Variants in N4BP2L2 observed in about 807,000 individuals in gnomAD.
The protein encoded by N4BP2L2 is NEDD4-binding protein 2-like 2.
N4BP2L2 carries 50 observed loss-of-function variants against 56.2 expected under a neutral mutation model. The observed-to-expected ratio is 0.89, with a 90% CI of 0.71 to 1.13. N4BP2L2 has a LOEUF of 1.13. N4BP2L2 is among the 50% of genes most tolerant of loss of function. The pLI, the probability that N4BP2L2 is intolerant of heterozygous loss-of-function variation, is 0.00. For missense variants in N4BP2L2, 689 were observed against 693.8 expected (o/e 0.99, Z 0.08); for synonymous variants, 203 against 223.6 (o/e 0.91, Z 0.82).
At chr13:32,484,859 T>C (rs1566107410) in intron 6 of N4BP2L2, among the ~76,000 whole-genome samples, 1 of 152,230 alleles carries the variant, frequency 6.6e-6, no homozygotes, top group Non-Finnish European at 1.5e-5. Context: ...TGTTAGAATA[T>C]GTTGAATTAT....
rs115298134 is a variant in N4BP2L2 at position 32,520,214 on chromosome 13, T to G, written c.1550+1159A>C. On this transcript the variant is annotated intron_variant, in intron 5 of 5. Coordinates refer to ENST00000267068, the Ensembl canonical transcript of N4BP2L2. ...TGGTTTAAAAAAAGAGGAGTGAAGG[T>G]TGCACAACTCTGTGAATATACAGAA... Among the ~76,000 whole-genome samples, 389 of 151,880 alleles carry G rather than the reference T, an allele frequency of 2.6e-3. 1 individual carries two copies. The highest frequency in any genetic ancestry group is 9.0e-3 in the African/African-American group (372 of 41,396).
intron 9 of N4BP2L2, among the ~76,000 whole-genome samples, chr13:32,435,641 C>T (rs2075389408): frequency 1.3e-5 from 2 of 152,140 alleles, no homozygotes; most frequent in South Asian, 4.1e-4. Context: ...TCTAGTGGCC[C>T]CTGCAAATCT....
At chr13:32,450,469 C>T (rs112490742) in intron 6 of N4BP2L2, among the ~76,000 whole-genome samples, 11 of 151,346 alleles carry the variant, frequency 7.3e-5, no homozygotes, top group African/African-American at 2.2e-4. Context: ...GGACTACAGG[C>T]GCCTGCAACC....
chr13:32,469,905 T>C (rs2138897982), intron 6 of N4BP2L2, among the ~76,000 whole-genome samples: 2 of 152,268 alleles, frequency 1.3e-5, no homozygotes, highest in African/African-American at 2.4e-5. Context: ...TTCTGTTTGA[T>C]AAGGGAACTG....
intron 6 of N4BP2L2, among the ~76,000 whole-genome samples, chr13:32,462,178 C>T (rs2080230754): frequency 6.6e-6 from 1 of 152,124 alleles, no homozygotes; most frequent in Admixed American, 6.5e-5. Flanking sequence ...ACAGCAAAAA[C>T]ATGGAATCAA....
At chr13:32,501,138 G>T (rs1221769266) in intron 6 of N4BP2L2, among the ~76,000 whole-genome samples, 1 of 152,160 alleles carries the variant, frequency 6.6e-6, no homozygotes, top group Non-Finnish European at 1.5e-5. Context: ...AAAGCGCTGG[G>T]CTTACAGGTG....
At chr13:32,443,310 C>A (rs745704439) in exon 7 of N4BP2L2, 2 of 1,613,958 alleles carry the variant, frequency 1.2e-6, no homozygotes, top group East Asian at 2.2e-5. Context: ...CAGGACCAGC[C>A]AACTTACATG....
chr13:32,436,349 A>G (rs1342819574), intron 9 of N4BP2L2: 1 of 1,211,468 alleles, frequency 8.3e-7, no homozygotes, highest in South Asian at 1.5e-5. Flanking sequence ...CTCTAGAATA[A>G]GTCATACTTA....
At chr13:32,462,966 C>T (rs905062183) in intron 6 of N4BP2L2, among the ~76,000 whole-genome samples, 5 of 151,380 alleles carry the variant, frequency 3.3e-5, no homozygotes, top group Non-Finnish European at 7.4e-5. Flanking sequence ...TTGCTTGAAC[C>T]CAGGAGGCGG....
At chr13:32,490,141 A>G (rs1315427516) in intron 6 of N4BP2L2, 1 of 151,792 alleles carries the variant, frequency 6.6e-6, no homozygotes, top group Non-Finnish European at 1.5e-5. Flanking sequence ...TCTCCTTAAT[A>G]CTTATCACCT....
chr13:32,538,316 A>G (rs2057132034), intron 1 of N4BP2L2, among the ~76,000 whole-genome samples: 1 of 152,198 alleles, frequency 6.6e-6, no homozygotes, highest in African/African-American at 2.4e-5. Context: ...AATGTGTCAG[A>G]AAAGTCCCGA....
At chr13:32,527,246 A>T in intron 3 of N4BP2L2, 162 bp downstream of exon 3, 1 of 691,752 alleles carries the variant, frequency 1.4e-6, no homozygotes, top group Non-Finnish European at 2.3e-6. Flanking sequence ...GGGCAAGTAT[A>T]ATTATCACCA....
chr13:32,457,901 A>G (rs1274846739), intron 6 of N4BP2L2, among the ~76,000 whole-genome samples: 2 of 152,214 alleles, frequency 1.3e-5, no homozygotes, highest in Non-Finnish European at 2.9e-5. Context: ...ACAAAAGAAC[A>G]AAGTATATAC....
At chr13:32,511,247 C>T (rs1020047545) in exon 6 of N4BP2L2, 1 of 152,130 alleles carries the variant, frequency 6.6e-6, no homozygotes, top group Non-Finnish European at 1.5e-5. Flanking sequence ...AGACTTTTTG[C>T]TACAAAATTC....
chr13:32,440,184 C>G (rs1261346196), intron 7 of N4BP2L2, among the ~76,000 whole-genome samples: 1 of 152,136 alleles, frequency 6.6e-6, no homozygotes, highest in Non-Finnish European at 1.5e-5. Flanking sequence ...AATCTTTGGT[C>G]TCACCTGTGG....
intron 6 of N4BP2L2, among the ~76,000 whole-genome samples, chr13:32,470,508 A>G (rs1157976684): frequency 6.6e-6 from 1 of 152,176 alleles, no homozygotes; most frequent in African/African-American, 2.4e-5. Context: ...AGCTTTGGCT[A>G]GGGCCTATAT....
At chr13:32,489,722 A>C (rs1427437964) in intron 6 of N4BP2L2, among the ~76,000 whole-genome samples, 3 of 151,770 alleles carry the variant, frequency 2.0e-5, no homozygotes, top group African/African-American at 7.3e-5. Flanking sequence ...CTGTAATATT[A>C]CAAATCTAGT....
intron 6 of N4BP2L2, among the ~76,000 whole-genome samples, chr13:32,466,372 G>A (rs1394567343): frequency 6.6e-6 from 1 of 151,934 alleles, no homozygotes; most frequent in African/African-American, 2.4e-5. Context: ...TTCAAGATCA[G>A]CCTAGCTAAT....
At chr13:32,525,255 T>C (rs1006318400) in intron 3 of N4BP2L2, 3 of 152,168 alleles carry the variant, frequency 2.0e-5, no homozygotes, top group African/African-American at 7.2e-5. Flanking sequence ...AAAAATGTTC[T>C]ATGGCATTAA....
Sources: gnomAD v4.1 joint callset for allele counts (sites outside exome capture counted in the v4.1 genomes callset) on GRCh38, gnomAD v4.1.1 for gene constraint, MANE v1.5 for transcripts, NCBI Gene and HGNC (gene_info 2026-07-23, HGNC 2026-07-21) for gene names.